PDCD6IP: variants seen among roughly 807,000 people sequenced by gnomAD.
PDCD6IP encodes the protein programmed cell death 6 interacting protein, also known as programmed cell death 6-interacting protein.
In PDCD6IP, 43 loss-of-function variants were observed where a neutral mutation model predicts 103.7. The observed-to-expected ratio is 0.41, with a 90% confidence interval of 0.32 to 0.53. The LOEUF (loss-of-function observed/expected upper bound fraction) is 0.53, where lower values mean the gene tolerates loss of function less well. PDCD6IP is among the 20% of genes least tolerant of loss of function. PDCD6IP has a pLI of 0.16. For missense variants in PDCD6IP, 871 were observed against 1,036.7 expected, an observed-to-expected ratio of 0.84 and a Z score of 2.20; for synonymous variants, 354 against 378.7, an observed-to-expected ratio of 0.93 and a Z score of 0.76.
At chr3:33,817,961 A>G (rs1003926673) in intron 3 of PDCD6IP, among the ~76,000 whole-genome samples, 3 of 152,092 alleles carry the variant, frequency 2.0e-5, no homozygotes, top group Admixed American at 6.6e-5. Context: ...GCTCTTATAC[A>G]TGACAAATTG....
rs572959085 is a variant in PDCD6IP at position 33,817,166 on chromosome 3, T to C, written c.334+3538T>C. 1.0e-3 allele frequency among the ~76,000 whole-genome samples: 157 copies of C among 152,344 alleles called. 1 individual carries two copies. Among genetic ancestry groups the C allele is most frequent in the African/African-American group, 3.3e-3 (139 of 41,582 alleles). The stretch of plus-strand genomic sequence containing the variant: ...GCCTTAGTTCAGAGTTGTTGCATTG[T>C]ACAACTCTAGGGTCCCCGGAATTGG... On this transcript the variant is annotated intron_variant, in intron 3 of 17. Coordinates refer to ENST00000307296, the MANE Select transcript of PDCD6IP (RefSeq NM_013374.6).
At chr3:33,856,153 G>A (rs1471848078) in intron 15 of PDCD6IP, among the ~76,000 whole-genome samples, 1 of 152,200 alleles carries the variant, frequency 6.6e-6, no homozygotes. Context: ...ATGATCTGAG[G>A]TGGAACAGTT....
chr3:33,864,124 A>G lies in PDCD6IP; in HGVS notation c.2239A>G (p.Met747Val), dbSNP rs1698015588. Residue 747 changes from methionine to valine, a missense_variant, in exon 16 of 18, where the codon ATG becomes GTG. By Grantham distance (21) the Met-to-Val change is conservative. This residue lies in a region of PDCD6IP where 202 missense variants were observed against 205.2 expected (regional missense o/e 0.98). Coordinates refer to ENST00000307296, the MANE Select transcript of PDCD6IP (RefSeq NM_013374.6). ...TCCTCCAACTCCAGCGCCAAGAACC[A>G]TGCCGGTTAGTAGGCAAATAAATAT... is the stretch of plus-strand genomic sequence containing the variant. ...PTPPTPAPRT[M>V]PPTKPQPPAR... 1.9e-6 allele frequency: 3 copies of G among 1,552,036 alleles called. No homozygotes were observed. The highest frequency in any genetic ancestry group is 2.2e-5 in the East Asian group (1 of 44,534).
At chr3:33,814,594 G>C (rs1470999798) in intron 3 of PDCD6IP, among the ~76,000 whole-genome samples, 1 of 108,852 alleles carries the variant, frequency 9.2e-6, no homozygotes, top group Non-Finnish European at 1.9e-5. Flanking sequence ...TATATTATAT[G>C]TATATATGTA....
At chr3:33,806,902 ATTTGTTGATCTCTCTCAT>A (rs1302920279) in intron 1 of PDCD6IP, among the ~76,000 whole-genome samples, 1 of 152,226 alleles carries the variant, frequency 6.6e-6, no homozygotes, top group Non-Finnish European at 1.5e-5. Context: ...TTTGTAAAGC[ATTTGTTGATCTCTCTCAT>A]TTTGTTGGGG....
intron 12 of PDCD6IP, among the ~76,000 whole-genome samples, chr3:33,850,184 AT>A (rs1697682786): frequency 6.6e-6 from 1 of 152,122 alleles, no homozygotes; most frequent in African/African-American, 2.4e-5. Flanking sequence ...TGAAAATTGA[AT>A]TTTCTTAGTA....
chr3:33,812,237 T>G, intron 2 of PDCD6IP, 111 bp downstream of exon 2: 1 of 1,409,188 alleles, frequency 7.1e-7, no homozygotes, highest in Non-Finnish European at 9.3e-7. Flanking sequence ...AAATAGGAGC[T>G]TTTAGATCTG....
chr3:33,833,631 G>T (rs1206807014), intron 7 of PDCD6IP, among the ~76,000 whole-genome samples: 2 of 152,104 alleles, frequency 1.3e-5, no homozygotes, highest in Non-Finnish European at 2.9e-5. Context: ...TTTTGGTACT[G>T]TCATTGTGTT....
rs1698090143 is a variant in PDCD6IP at position 33,867,429 on chromosome 3, T to C, written c.*904T>C. The C allele has an allele frequency of 6.6e-6, 1 of 152,204 alleles. No individual in the cohort carries two copies. Among genetic ancestry groups the C allele is most frequent in the Non-Finnish European group, 1.5e-5 (1 of 68,026 alleles). The allele number at this position is 152,204 out of a possible 1,614,324, so 9.4% of individuals were successfully genotyped here. The stretch of plus-strand genomic sequence containing the variant: ...GCAATACTTCATAATGTAATGGAAT[T>C]GTTTGGGGAACACTTACTGTACCCT... On this transcript the variant is annotated 3_prime_UTR_variant, in exon 18 of 18. Transcript: ENST00000307296.
intron 7 of PDCD6IP, among the ~76,000 whole-genome samples, chr3:33,832,403 C>T (rs1174670792): frequency 3.9e-5 from 6 of 152,072 alleles, no homozygotes; most frequent in East Asian, 1.9e-4. Context: ...AGCACAGTCC[C>T]GTACATAGCA....
At chr3:33,837,676 C>T (rs1559787426) in intron 8 of PDCD6IP, among the ~76,000 whole-genome samples, 1 of 151,956 alleles carries the variant, frequency 6.6e-6, no homozygotes, top group African/African-American at 2.4e-5. Context: ...GCAACCTCCG[C>T]CTCCTGGGTT....
rs1487020368 is a variant in PDCD6IP, at chr3:33,868,479, G to GCTGATCCTGCCACAGCACAC, written c.*1959_*1978dup. 1.3e-5 allele frequency: 2 copies of GCTGATCCTGCCACAGCACAC among 152,762 alleles called. No homozygotes were observed. The highest frequency in any genetic ancestry group is 2.4e-5 in the African/African-American group (1 of 41,444). The allele number at this position is 152,762 out of a possible 1,614,324, so 9.5% of individuals were successfully genotyped here. A position where few individuals can be genotyped will look rare whatever the true frequency, so the allele number is the denominator to read the frequency against. On this transcript the variant is annotated 3_prime_UTR_variant, in exon 18 of 18. Transcript: ENST00000307296. ...GAAACTAGGAAAGGAGGCCCCCACA[G>GCTGATCCTGCCACAGCACAC]CTGATCCTGCCACAGCACACCTGAC...
At chr3:33,826,749 A>G (rs1697136103) in intron 6 of PDCD6IP, 169 bp downstream of exon 6, 3 of 1,367,242 alleles carry the variant, frequency 2.2e-6, no homozygotes, top group Non-Finnish European at 2.8e-6. Flanking sequence ...AAGATGCATG[A>G]ACAATTCTTT....
rs1173163869 is a variant in PDCD6IP, at chr3:33,800,119, C to CAA, written c.209+1207_209+1208dup. 2.1e-3 allele frequency among the ~76,000 whole-genome samples: 105 copies of CAA among 50,836 alleles called. 6 individuals are homozygous for CAA. Among genetic ancestry groups the CAA allele is most frequent in the African/African-American group, 6.2e-3 (83 of 13,478 alleles). The allele number at this position is 50,836 out of a possible 152,430, so 33.4% of individuals were successfully genotyped here. ...TGGGCGACAGAGTGAGACTCCATCT[C>CAA]AAAAAAAAAAAAAAAAAAAAAAAAA... On this transcript the variant is annotated intron_variant, in intron 1 of 17. Transcript: ENST00000307296.
intron 2 of PDCD6IP, 131 bp from the exon 3 acceptor site, chr3:33,813,428 G>A (rs1696761587): frequency 1.8e-6 from 1 of 544,342 alleles, no homozygotes; most frequent in Non-Finnish European, 3.3e-6. Context: ...AAGGAAGTTG[G>A]GTGGTTATAG....
chr3:33,850,567 T>C (rs1484948185), intron 12 of PDCD6IP, among the ~76,000 whole-genome samples: 2 of 152,160 alleles, frequency 1.3e-5, no homozygotes, highest in African/African-American at 4.8e-5. Context: ...TATACATATA[T>C]ACATATTATG....
At chr3:33,861,230 C>T (rs9822922) in intron 15 of PDCD6IP, among the ~76,000 whole-genome samples, 44,292 of 151,324 alleles carry the variant, frequency 0.29, 6,706 homozygotes, top group East Asian at 0.41. Flanking sequence ...CTGCAACCTC[C>T]GCCTCCTGGG....
intron 6 of PDCD6IP, 98 bp from the exon 7 acceptor site, chr3:33,828,755 T>C: frequency 1.5e-6 from 2 of 1,352,560 alleles, no homozygotes; most frequent in Non-Finnish European, 2.1e-6. Context: ...GGGGTGATTC[T>C]AATTTCTGTC....
intron 3 of PDCD6IP, among the ~76,000 whole-genome samples, chr3:33,821,060 G>A (rs548208391): frequency 6.6e-5 from 10 of 152,124 alleles, no homozygotes; most frequent in Admixed American, 2.0e-4. Flanking sequence ...AGGGTGAAGT[G>A]TAGTGGCATG....
Sources: allele counts gnomAD v4.1 joint callset (sites outside exome capture counted in the v4.1 genomes callset), GRCh38; gene constraint gnomAD v4.1.1; regional missense constraint gnomAD v4.1.1; transcripts MANE v1.5; gene names NCBI Gene and HGNC (gene_info 2026-07-23, HGNC 2026-07-21).